Variants in PDZK1 observed in about 807,000 individuals in gnomAD.
PDZK1 encodes the protein Na(+)/H(+) exchange regulatory cofactor NHE-RF3.
Under a neutral mutation model 38.1 loss-of-function variants are expected in PDZK1, and 23 were observed. That is an observed-to-expected ratio of 0.60 (90% CI 0.43 to 0.85). The LOEUF is 0.85. PDZK1 is among the 40% of genes least tolerant of loss of function. The pLI is 0.00. For synonymous variants in PDZK1, 98 were observed against 186.2 expected (o/e 0.53, Z 3.86); for missense variants, 297 against 504.3 (o/e 0.59, Z 3.94).
chr1:145,686,504 A>T lies in PDZK1; in HGVS notation c.433T>A (p.Tyr145Asn). ...LCYLVKEGGS[Y>N]GFSLKTVQGK... ...TGGACAGTTTTCAGAGAGAAGCCAT[A>T]GCTGCCTCCTTCCTTCACGAGATAG... is the stretch of plus-strand genomic sequence containing the variant. Residue 145 changes from tyrosine to asparagine, a missense_variant, in exon 3 of 9, where the codon TAT (tyrosine) becomes AAT (asparagine). This residue lies in a region of PDZK1 where 159 missense variants were observed against 200.0 expected (regional missense o/e 0.79). Transcript: ENST00000417171. The T allele has an allele frequency of 6.2e-7, 1 of 1,611,998 alleles. No individual in the cohort carries two copies. Among genetic ancestry groups the T allele is most frequent in the Non-Finnish European group, 8.5e-7 (1 of 1,179,846 alleles).
chr1:145,687,745 A>T, intron 2 of PDZK1, 67 bp downstream of exon 2: 1 of 1,375,070 alleles, frequency 7.3e-7, no homozygotes, highest in Non-Finnish European at 1.0e-6. Flanking sequence ...CCCCAAAATT[A>T]TAATCAGCAG....
chr1:145,677,654 C>T (rs1398223581), intron 6 of PDZK1, among the ~76,000 whole-genome samples: 1 of 151,638 alleles, frequency 6.6e-6, no homozygotes, highest in Admixed American at 6.6e-5. Flanking sequence ...TCAGTCTTTA[C>T]TAAGCTGCGT....
intron 6 of PDZK1, among the ~76,000 whole-genome samples, chr1:145,677,865 C>T (rs1318537990): frequency 4.3e-5 from 6 of 140,964 alleles, no homozygotes; most frequent in Non-Finnish European, 7.5e-5. Flanking sequence ...GAAGGCCCCC[C>T]AGGTTATCTG....
At chr1:145,684,270 G>A (rs587693773) in intron 3 of PDZK1, among the ~76,000 whole-genome samples, 4,097 of 145,126 alleles carry the variant, frequency 0.028, 86 homozygotes, top group African/African-American at 0.099. Flanking sequence ...GTGCAGTGGC[G>A]CAATCTGAGC....
At chr1:145,706,903 G>C (rs142450060) in intron 1 of PDZK1, among the ~76,000 whole-genome samples, 5 of 151,928 alleles carry the variant, frequency 3.3e-5, no homozygotes, top group African/African-American at 1.2e-4. Flanking sequence ...TCCTTTAAAG[G>C]CTGCTTCCAG....
chr1:145,677,981 TAAGAGAAAATA>T (rs1245868525), intron 6 of PDZK1, among the ~76,000 whole-genome samples: 1 of 135,332 alleles, frequency 7.4e-6, no homozygotes, highest in African/African-American at 2.8e-5. Flanking sequence ...AAAGAGCTGT[TAAGAGAAAATA>T]AAGTTAGTTT....
intron 5 of PDZK1, among the ~76,000 whole-genome samples, 191 bp from the exon 6 acceptor site, chr1:145,678,836 C>T (rs1553699775): frequency 2.8e-5 from 4 of 145,384 alleles, no homozygotes; most frequent in African/African-American, 1.0e-4. Flanking sequence ...CTGCTCAGAA[C>T]TCACCCCAGA....
rs782100892 is a variant in PDZK1, at chr1:145,687,948, C to T, written c.74G>A (p.Arg25Gln). The T allele has an allele frequency of 7.4e-6, 12 of 1,612,268 alleles. No individual in the cohort carries two copies. The highest frequency in any genetic ancestry group is 3.3e-5 in the South Asian group (3 of 90,958). ...QEGQNYGFFLRIEKDTEGHLV... is the reference protein window; with the variant it reads ...QEGQNYGFFLQIEKDTEGHLV... ...GTGGCCCTCGGTGTCCTTCTCAATT[C>T]GCAGGAAGAAGCCATAGTTTTGCCC... Residue 25 changes from arginine to glutamine, a missense_variant, in exon 2 of 9, where the codon CGA (arginine) becomes CAA (glutamine). Coordinates refer to ENST00000417171, the MANE Select transcript of PDZK1 (RefSeq NM_001201325.2).
chr1:145,690,454 T>C (rs1174359456), intron 1 of PDZK1, among the ~76,000 whole-genome samples: 3 of 152,182 alleles, frequency 2.0e-5, no homozygotes, highest in Non-Finnish European at 4.4e-5. Context: ...ATATTTGCTG[T>C]GAAGAAAATA....
Position 145,687,810 on chromosome 1 carries a change from A to G in PDZK1, c.210+2T>C, listed in dbSNP as rs781890592. The G allele has an allele frequency of 3.1e-6, 5 of 1,608,358 alleles. No individual in the cohort carries two copies. The highest frequency in any genetic ancestry group is 1.7e-4 in the Middle Eastern group (1 of 6,052). ...AAGAAAAGCCCCAAATGTCTCATTC[A>G]CCTGCATATGTTCTTCTTTGTCCAC... On this transcript the variant is annotated splice_donor_variant, in intron 2 of 8. Transcript: ENST00000417171. LOFTEE classifies it high-confidence loss of function.
intron 5 of PDZK1, among the ~76,000 whole-genome samples, chr1:145,680,032 C>T (rs1220860434): frequency 6.6e-6 from 1 of 152,122 alleles, no homozygotes; most frequent in African/African-American, 2.4e-5. Context: ...AAAGCCTGAA[C>T]TCAAGTGCCA....
At chr1:145,674,418 C>T (rs191583662) in intron 6 of PDZK1, 20 of 414,816 alleles carry the variant, frequency 4.8e-5, no homozygotes, top group East Asian at 3.2e-4. Flanking sequence ...CCTAGAAGCC[C>T]GGCAAAGCAT....
At chr1:145,702,325 G>C (rs779269780) in intron 1 of PDZK1, among the ~76,000 whole-genome samples, 2 of 152,022 alleles carry the variant, frequency 1.3e-5, no homozygotes, top group Non-Finnish European at 2.9e-5. Context: ...TATGAGTTGG[G>C]AGAGGGATAG....
intron 4 of PDZK1, among the ~76,000 whole-genome samples, chr1:145,681,751 CAAAAAATCATTCT>C (rs1553700426): frequency 8.8e-6 from 1 of 113,794 alleles, no homozygotes; most frequent in Non-Finnish European, 1.7e-5. Flanking sequence ...GGGTCCACGT[CAAAAAATCATTCT>C]ACAAAGAGAA....
At chr1:145,697,564 G>A (rs868963630) in intron 1 of PDZK1, among the ~76,000 whole-genome samples, 6 of 152,072 alleles carry the variant, frequency 3.9e-5, no homozygotes, top group Middle Eastern at 3.4e-3. Flanking sequence ...AAAACACTAA[G>A]AAGCAAGTGG....
Position 145,686,526 on chromosome 1 carries a change from A to G in PDZK1, c.411T>C (p.Tyr137=). 1.9e-6 allele frequency: 3 copies of G among 1,611,954 alleles called. No homozygotes were observed. In the South Asian group the frequency reaches 3.3e-5, roughly 18 times the overall value. Residue 137 remains tyrosine, a synonymous_variant, in exon 3 of 9, where the codon TAT becomes TAC. Coordinates refer to ENST00000417171, the MANE Select transcript of PDZK1 (RefSeq NM_001201325.2). ...CATAGCTGCCTCCTTCCTTCACGAG[A>G]TAGCAGAGCCGGGGCTGGGTCCAAG... ...VQTWTQPRLC[Y]LVKEGGSYGF...
At position 145,673,642 on chromosome 1, in the gene PDZK1, AC is replaced by A; in HGVS notation, c.1215+14del. 1.3e-6 allele frequency: 2 copies of A among 1,555,562 alleles called. No homozygotes were observed. Among genetic ancestry groups the A allele is most frequent in the Non-Finnish European group, 1.8e-6 (2 of 1,138,476 alleles). The stretch of plus-strand genomic sequence containing the variant: ...TGGCTGTGTTTGTTGGGCTGCTGGA[AC>A]CAGATTACCATACCTCTTTGATGAA... On this transcript the variant is annotated intron_variant, in intron 7 of 8. Coordinates refer to ENST00000417171, the MANE Select transcript of PDZK1 (RefSeq NM_001201325.2).
intron 1 of PDZK1, among the ~76,000 whole-genome samples, chr1:145,703,933 ATTC>A (rs1553705347): frequency 1.3e-5 from 2 of 152,016 alleles, no homozygotes; most frequent in Non-Finnish European, 1.5e-5. Flanking sequence ...GATTCAAGCA[ATTC>A]TTCTGCCTCA....
chr1:145,673,109 G>T (rs1653260771), intron 7 of PDZK1, 89 bp from the exon 8 acceptor site: 8 of 1,229,784 alleles, frequency 6.5e-6, no homozygotes, highest in South Asian at 1.3e-5. Context: ...AGGAGCTCAA[G>T]AATTTATTTT....
Sources: allele counts gnomAD v4.1 joint callset (sites outside exome capture counted in the v4.1 genomes callset), GRCh38; gene constraint gnomAD v4.1.1; regional missense constraint gnomAD v4.1.1; transcripts MANE v1.5; gene names NCBI Gene and HGNC (gene_info 2026-07-23, HGNC 2026-07-21).